Variants in NCAM2 observed in about 807,000 individuals in gnomAD.
NCAM2 encodes the protein N-CAM-2.
In NCAM2, 30 loss-of-function variants were observed where a neutral mutation model predicts 98.1. The ratio of observed to expected loss-of-function variants is 0.31; its 90% CI spans 0.23 to 0.41. The LOEUF is 0.41. Ranked by LOEUF, NCAM2 falls within the 10% of genes least tolerant of loss-of-function variation. NCAM2 has a pLI of 1.00. For missense variants in NCAM2, 867 were observed against 1,005.8 expected, an observed-to-expected ratio of 0.86 and a Z score of 1.87; for synonymous variants, 368 against 342.4, an observed-to-expected ratio of 1.07 and a Z score of -0.83.
At chr21:21,166,267 G>A (rs2067948271) in intron 1 of NCAM2, among the ~76,000 whole-genome samples, 1 of 152,126 alleles carries the variant, frequency 6.6e-6, no homozygotes, top group Admixed American at 6.5e-5. Context: ...GAGTGCAGTG[G>A]CGCCATCTCA....
At chr21:21,252,329 A>C (rs151094674) in intron 1 of NCAM2, among the ~76,000 whole-genome samples, 11 of 151,226 alleles carry the variant, frequency 7.3e-5, no homozygotes, top group African/African-American at 2.7e-4. Context: ...TGTATAAGCT[A>C]TCCAAATATG....
At chr21:21,242,848 A>G (rs182417915) in intron 1 of NCAM2, among the ~76,000 whole-genome samples, 1 of 152,268 alleles carries the variant, frequency 6.6e-6, no homozygotes, top group East Asian at 1.9e-4. Flanking sequence ...TTAACATTTA[A>G]GTAGGAGGAA....
Position 21,479,608 on chromosome 21 carries a change from A to AAATT in NCAM2, c.2077+2137_2077+2138insAATT, listed in dbSNP as rs1491473437. 8.2e-3 allele frequency among the ~76,000 whole-genome samples: 1,041 copies of AAATT among 127,660 alleles called. 17 individuals carry two copies. Among genetic ancestry groups the AAATT allele is most frequent in the African/African-American group, 0.018 (639 of 35,956 alleles). 83.7% of individuals were successfully genotyped at this position (127,660 alleles called of 152,430 possible). A position where few individuals can be genotyped will look rare whatever the true frequency, so the allele number is the denominator to read the frequency against. On this transcript the variant is annotated intron_variant, in intron 15 of 17. Coordinates refer to ENST00000400546, the MANE Select transcript of NCAM2 (RefSeq NM_004540.5). ...CAAAAAAAAAAAAAAAAAAAAAAAA[A>AAATT]TTGTTGATGATAAAAACCAACAATA...
intron 12 of NCAM2, among the ~76,000 whole-genome samples, chr21:21,458,618 C>G (rs1327184076): frequency 6.6e-6 from 1 of 152,168 alleles, no homozygotes; most frequent in Non-Finnish European, 1.5e-5. Context: ...CAGGCCGTCA[C>G]CAGACACTGA....
At chr21:21,393,594 A>T (rs1218541012) in intron 9 of NCAM2, among the ~76,000 whole-genome samples, 2 of 152,278 alleles carry the variant, frequency 1.3e-5, no homozygotes, top group South Asian at 2.1e-4. Context: ...ATTTGGATAT[A>T]TGCAGGTTTG....
At chr21:21,400,566 G>T (rs1341650701) in intron 9 of NCAM2, among the ~76,000 whole-genome samples, 1 of 150,878 alleles carries the variant, frequency 6.6e-6, no homozygotes, top group Non-Finnish European at 1.5e-5. Context: ...CTGTTTGAAA[G>T]ATATTCACTT....
intron 10 of NCAM2, among the ~76,000 whole-genome samples, chr21:21,413,545 A>T (rs910023315): frequency 6.6e-6 from 1 of 152,326 alleles, no homozygotes. Flanking sequence ...GAGCACCTCA[A>T]TAAAGTAAAT....
At chr21:21,021,034 G>C (rs2064423761) in intron 1 of NCAM2, among the ~76,000 whole-genome samples, 1 of 152,176 alleles carries the variant, frequency 6.6e-6, no homozygotes, top group Admixed American at 6.5e-5. Context: ...GGGTCCCACA[G>C]AGAATTACAA....
intron 8 of NCAM2, among the ~76,000 whole-genome samples, chr21:21,350,118 A>G (rs2075295329): frequency 6.6e-6 from 1 of 152,122 alleles, no homozygotes; most frequent in African/African-American, 2.4e-5. Context: ...TGAATACCCC[A>G]TTTTCTTGAA....
chr21:21,479,583 C>CAAAAAAAAAAAAAAAAAAAAAAAA lies in NCAM2; in HGVS notation c.2077+2114_2077+2137dup, dbSNP rs1156588500. Among the ~76,000 whole-genome samples the CAAAAAAAAAAAAAAAAAAAAAAAA allele has an allele frequency of 7.1e-4, 22 of 30,962 alleles. 2 individuals carry two copies. The highest frequency in any genetic ancestry group is 1.3e-3 in the Non-Finnish European group (20 of 14,880). 20.3% of individuals were successfully genotyped at this position (30,962 alleles called of 152,430 possible). A position where few individuals can be genotyped will look rare whatever the true frequency, so the allele number is the denominator to read the frequency against. On this transcript the variant is annotated intron_variant, in intron 15 of 17. Transcript: ENST00000400546. ...TGGGAGACAGAGCGAGACTGCGTCT[C>CAAAAAAAAAAAAAAAAAAAAAAAA]AAAAAAAAAAAAAAAAAAAAAAAAA...
chr21:21,143,996 T>G (rs761460049), intron 1 of NCAM2, among the ~76,000 whole-genome samples: 27 of 152,094 alleles, frequency 1.8e-4, no homozygotes, highest in Non-Finnish European at 3.4e-4. Context: ...TTCATACCTT[T>G]CATCTTTTAA....
At chr21:21,184,433 TG>T (rs1413566712) in intron 1 of NCAM2, among the ~76,000 whole-genome samples, 1 of 152,164 alleles carries the variant, frequency 6.6e-6, no homozygotes, top group Non-Finnish European at 1.5e-5. Context: ...CATCATACAA[TG>T]GTTCTCAGAA....
chr21:21,418,031 A>G (rs1000882785), intron 10 of NCAM2, among the ~76,000 whole-genome samples: 7 of 152,064 alleles, frequency 4.6e-5, no homozygotes, highest in African/African-American at 1.2e-4. Flanking sequence ...ACAGTTAACA[A>G]TGCTTTTATT....
chr21:21,044,852 C>T (rs992954374), intron 1 of NCAM2, among the ~76,000 whole-genome samples: 2 of 151,906 alleles, frequency 1.3e-5, no homozygotes, highest in Non-Finnish European at 2.9e-5. Context: ...GTGGTTCTGG[C>T]TACTTAGGAG....
chr21:21,464,085 C>T (rs1983354860), intron 12 of NCAM2, among the ~76,000 whole-genome samples: 1 of 152,038 alleles, frequency 6.6e-6, no homozygotes, highest in Non-Finnish European at 1.5e-5. Flanking sequence ...TCTTTTGCTT[C>T]TCTTTTTGCC....
At chr21:21,294,614 A>T (rs1165103614) in intron 5 of NCAM2, among the ~76,000 whole-genome samples, 2 of 151,844 alleles carry the variant, frequency 1.3e-5, no homozygotes, top group East Asian at 1.9e-4. Flanking sequence ...CTTTTATTTT[A>T]AATAACAGTG....
intron 1 of NCAM2, among the ~76,000 whole-genome samples, chr21:21,169,259 G>T (rs144103024): frequency 3.3e-5 from 5 of 151,614 alleles, no homozygotes; most frequent in African/African-American, 1.2e-4. Flanking sequence ...TCTAGACAAC[G>T]ACCATAAATC....
chr21:21,173,875 G>A (rs1225615887), intron 1 of NCAM2, among the ~76,000 whole-genome samples: 1 of 152,132 alleles, frequency 6.6e-6, no homozygotes, highest in Admixed American at 6.6e-5. Context: ...GGCTTGAAGG[G>A]TTGCAAGACC....
At chr21:21,498,671 G>A (rs976619402) in intron 15 of NCAM2, among the ~76,000 whole-genome samples, 2 of 152,102 alleles carry the variant, frequency 1.3e-5, no homozygotes, top group South Asian at 2.1e-4. Flanking sequence ...AGAGGGAGCC[G>A]AGACATACCA....
Sources: allele counts gnomAD v4.1 joint callset (sites outside exome capture counted in the v4.1 genomes callset), GRCh38; gene constraint gnomAD v4.1.1; transcripts MANE v1.5; gene names NCBI Gene and HGNC (gene_info 2026-07-23, HGNC 2026-07-21).